CELF2: variants seen among roughly 807,000 people sequenced by gnomAD.
CELF2 encodes the protein CUGBP Elav-like family member 2.
CELF2 carries 8 observed loss-of-function variants against 62.6 expected under a neutral mutation model. That is an observed-to-expected ratio of 0.13 (90% CI 0.07 to 0.23). The LOEUF (loss-of-function observed/expected upper bound fraction) is 0.23, where lower values mean the gene tolerates loss of function less well. CELF2 is among the 10% of genes least tolerant of loss of function. The pLI is 1.00. For synonymous variants in CELF2, 258 were observed against 250.0 expected, an observed-to-expected ratio of 1.03 and a Z score of -0.30; for missense variants, 333 against 671.0, an observed-to-expected ratio of 0.50 and a Z score of 5.56.
At chr10:10,694,186 C>T in the CELF2 span, among the ~76,000 whole-genome samples, 26 of 151,808 alleles carry the variant, frequency 1.7e-4, no homozygotes, top group South Asian at 4.2e-4. Flanking sequence ...GCTTTCAATG[C>T]GTCCCAGAGA....
At chr10:10,654,095 C>T in the CELF2 span, among the ~76,000 whole-genome samples, 23 of 147,162 alleles carry the variant, frequency 1.6e-4, no homozygotes, top group East Asian at 3.9e-4. Flanking sequence ...AACACCTCTA[C>T]GCAAATAAAC....
chr10:11,041,880 A>C (rs2061904119), intron 1 of CELF2, among the ~76,000 whole-genome samples: 1 of 152,158 alleles, frequency 6.6e-6, no homozygotes, highest in Non-Finnish European at 1.5e-5. Context: ...GATTATTGGG[A>C]TTTTCATATA....
chr10:11,226,026 C>A (rs2066412973), intron 3 of CELF2, among the ~76,000 whole-genome samples: 1 of 152,120 alleles, frequency 6.6e-6, no homozygotes, highest in Admixed American at 6.5e-5. Context: ...GTTGGGTTGG[C>A]CTCGTGGTGG....
At chr10:11,179,354 A>G (rs563460429) in intron 2 of CELF2, among the ~76,000 whole-genome samples, 10 of 152,300 alleles carry the variant, frequency 6.6e-5, no homozygotes, top group East Asian at 3.9e-4. Context: ...TTTCTTAAGT[A>G]TCTTTATGCA....
At chr10:10,855,419 C>G (rs1278780056) in intron 1 of CELF2, among the ~76,000 whole-genome samples, 1 of 152,220 alleles carries the variant, frequency 6.6e-6, no homozygotes, top group Admixed American at 6.5e-5. Flanking sequence ...TCCATTGGCA[C>G]TGGTGTGAAA....
chr10:10,670,883 C>T, the CELF2 span, among the ~76,000 whole-genome samples: 1 of 151,732 alleles, frequency 6.6e-6, no homozygotes. Flanking sequence ...GAATTATATA[C>T]TTATACCAAG....
chr10:11,114,391 A>C (rs572783160), intron 1 of CELF2, among the ~76,000 whole-genome samples: 2 of 152,240 alleles, frequency 1.3e-5, no homozygotes, highest in Non-Finnish European at 2.9e-5. Flanking sequence ...CTGTAGCAGT[A>C]AATACATAAC....
chr10:10,833,396 G>A (rs1191131818), intron 1 of CELF2, among the ~76,000 whole-genome samples: 1 of 152,170 alleles, frequency 6.6e-6, no homozygotes, highest in East Asian at 1.9e-4. Context: ...CTTTTCCGTA[G>A]CACACAGCAA....
Position 11,321,128 on chromosome 10 carries a change from T to C in CELF2, c.1097-61T>C. 6.4e-7 allele frequency: 1 copy of C among 1,554,030 alleles called. No homozygotes were observed. The highest frequency in any genetic ancestry group is 8.9e-7 in the Non-Finnish European group (1 of 1,126,710). ...GTGTTTAAATGATTCTCTAACTTCC[T>C]TTGGAAAGCACTAATGAATAAGTGC... is the stretch of plus-strand genomic sequence containing the variant. On this transcript the variant is annotated intron_variant, in intron 10 of 12. Transcript: ENST00000633077. This position sits in a 1 kb window ranked among gnomAD's most constrained non-coding sequence, Gnocchi z 6.2.
rs547607909 is a variant in CELF2 at position 11,305,236 on chromosome 10, G to T, written c.977-8903G>T. 6.6e-6 allele frequency among the ~76,000 whole-genome samples: 1 copy of T among 152,306 alleles called. No individual in the cohort carries two copies. Among genetic ancestry groups the T allele is most frequent in the African/African-American group, 2.4e-5 (1 of 41,574 alleles). ...TCTGGAAAGTGGAGCTCAGGTCCTTGCCTCTCTGGAAATTTATTTGAGTTG... is the reference window on the plus strand; with the variant it reads ...TCTGGAAAGTGGAGCTCAGGTCCTTTCCTCTCTGGAAATTTATTTGAGTTG... On this transcript the variant is annotated intron_variant, in intron 9 of 12. Transcript: ENST00000633077. The surrounding 1 kb of genome is among the most constrained non-coding windows in gnomAD (Gnocchi z 4.8).
chr10:10,591,483 A>G, the CELF2 span, among the ~76,000 whole-genome samples: 1 of 152,074 alleles, frequency 6.6e-6, no homozygotes, highest in Non-Finnish European at 1.5e-5. Context: ...GATGTGAAAT[A>G]CTGAATGTTT....
chr10:11,059,100 G>T (rs569009925), intron 1 of CELF2, among the ~76,000 whole-genome samples: 1 of 152,300 alleles, frequency 6.6e-6, no homozygotes, highest in East Asian at 1.9e-4. Flanking sequence ...TTATGTATGA[G>T]TCAAGGAACA....
At chr10:10,764,480 C>G in the CELF2 span, among the ~76,000 whole-genome samples, 1,170 of 152,268 alleles carry the variant, frequency 7.7e-3, 18 homozygotes, top group African/African-American at 0.027. Context: ...AATCAGACAA[C>G]AGAGAGGCTC....
chr10:10,795,315 A>AT (rs911571928), upstream of CELF2, among the ~76,000 whole-genome samples: 49 of 149,702 alleles, frequency 3.3e-4, no homozygotes, highest in South Asian at 6.0e-3. Context: ...GCCAAAAAAA[A>AT]TTTTTTTTTT....
At chr10:11,276,870 CTG>C (rs112170241) in intron 8 of CELF2, among the ~76,000 whole-genome samples, 36 of 152,260 alleles carry the variant, frequency 2.4e-4, no homozygotes, top group African/African-American at 8.4e-4. Flanking sequence ...CATTTGAAAA[CTG>C]AGGGTATCTG....
rs1273476255 is a variant in CELF2 at position 11,331,376 on chromosome 10, T to G, written c.*2323T>G. On this transcript the variant is annotated 3_prime_UTR_variant, in exon 13 of 13. Coordinates refer to ENST00000633077, the MANE Select transcript of CELF2 (RefSeq NM_001326342.2). ...AAAAAAACCTATTCCAGAATAAGTT[T>G]TGTGTTGGCTTGTGAAGCATTGATG... 1 of 152,104 alleles carries G rather than the reference T, an allele frequency of 6.6e-6. No homozygotes were observed. The highest frequency in any genetic ancestry group is 2.4e-5 in the African/African-American group (1 of 41,388). The allele number at this position is 152,104 out of a possible 1,614,324, so 9.4% of individuals were successfully genotyped here.
At chr10:10,765,468 A>G in the CELF2 span, among the ~76,000 whole-genome samples, 6 of 151,988 alleles carry the variant, frequency 3.9e-5, no homozygotes, top group Non-Finnish European at 8.8e-5. Context: ...AGACCTGAAG[A>G]CCTATCCGCC....
At chr10:10,486,237 A>C in the CELF2 span, among the ~76,000 whole-genome samples, 2 of 152,194 alleles carry the variant, frequency 1.3e-5, no homozygotes, top group African/African-American at 4.8e-5. Context: ...CAGATAATAC[A>C]AACACCAGTA....
intron 2 of CELF2, among the ~76,000 whole-genome samples, chr10:11,179,750 T>C (rs1314829186): frequency 6.6e-6 from 1 of 151,954 alleles, no homozygotes; most frequent in Non-Finnish European, 1.5e-5. Context: ...TTCTTTTCTT[T>C]CCCCCCTGAA....
Sources: allele counts gnomAD v4.1 joint callset (sites outside exome capture counted in the v4.1 genomes callset), GRCh38; gene constraint gnomAD v4.1.1; non-coding constraint Gnocchi (gnomAD v3.1); transcripts MANE v1.5; gene names NCBI Gene and HGNC (gene_info 2026-07-23, HGNC 2026-07-21).